Variants in TCF7L1 observed in about 807,000 individuals in gnomAD.
The protein encoded by TCF7L1 is transcription factor 7 like 1.
A neutral mutation model predicts 63.7 loss-of-function variants in TCF7L1; 18 were observed. That is an observed-to-expected ratio of 0.28 (90% CI 0.20 to 0.42). The LOEUF is 0.42. Among genes scored for constraint, TCF7L1 ranks in the 10% least tolerant of loss-of-function variants. The pLI is 1.00. For synonymous variants in TCF7L1, 355 were observed against 340.9 expected (o/e 1.04, Z -0.46); for missense variants, 654 against 779.3 (o/e 0.84, Z 1.91).
At chr2:85,144,047 G>T (rs1019136130) in intron 3 of TCF7L1, among the ~76,000 whole-genome samples, 11 of 152,300 alleles carry the variant, frequency 7.2e-5, no homozygotes, top group Non-Finnish European at 4.4e-5. Flanking sequence ...GGAAGAATAC[G>T]CAAACGAATG....
At chr2:85,211,825 C>T (rs942102194) in intron 3 of TCF7L1, among the ~76,000 whole-genome samples, 1 of 152,182 alleles carries the variant, frequency 6.6e-6, no homozygotes, top group Non-Finnish European at 1.5e-5. Flanking sequence ...AATGGTAGCT[C>T]ATGCCTGTAA....
At chr2:85,224,093 C>T (rs1334093731) in intron 3 of TCF7L1, among the ~76,000 whole-genome samples, 1 of 152,188 alleles carries the variant, frequency 6.6e-6, no homozygotes, top group South Asian at 2.1e-4. Flanking sequence ...CAGCTTCATC[C>T]ATGTCCCTGC....
chr2:85,186,870 G>A (rs1050764405), intron 3 of TCF7L1: 5 of 152,194 alleles, frequency 3.3e-5, no homozygotes, highest in Non-Finnish European at 7.3e-5. Context: ...AGCTAGATTT[G>A]TACTGTACTA....
At chr2:85,206,047 A>G (rs1215759625) in intron 3 of TCF7L1, among the ~76,000 whole-genome samples, 1 of 152,252 alleles carries the variant, frequency 6.6e-6, no homozygotes, top group Non-Finnish European at 1.5e-5. Flanking sequence ...TATTGCTGAC[A>G]AAGTTCCAAG....
At chr2:85,210,335 A>G (rs1679513581) in intron 3 of TCF7L1, among the ~76,000 whole-genome samples, 2 of 152,212 alleles carry the variant, frequency 1.3e-5, no homozygotes, top group Admixed American at 1.3e-4. Context: ...CCCTGGCTGG[A>G]GCCCTGTAGT....
chr2:85,174,778 C>A (rs1294381745), intron 3 of TCF7L1, among the ~76,000 whole-genome samples: 2 of 152,216 alleles, frequency 1.3e-5, no homozygotes, highest in Non-Finnish European at 2.9e-5. Flanking sequence ...GCAGTCTATG[C>A]CCAGGGCCTC....
rs111435628 is a variant in TCF7L1, at chr2:85,306,719, C to T, written c.1257+160C>T. On this transcript the variant is annotated intron_variant, in intron 10 of 11. Transcript: ENST00000282111. This position sits in a 1 kb window ranked among gnomAD's most constrained non-coding sequence, Gnocchi z 4.3. ...CCTGTCACCCAGGCTGGAGTGCATG[C>T]AGTGGCGCGATCTCGGCTCACTGCA... is the stretch of plus-strand genomic sequence containing the variant. Among the ~76,000 whole-genome samples the T allele has an allele frequency of 0.018, 2,740 of 152,292 alleles. 91 individuals are homozygous for T. The highest frequency in any genetic ancestry group is 0.063 in the African/African-American group (2,604 of 41,554).
At chr2:85,229,236 C>T (rs1338369019) in intron 3 of TCF7L1, among the ~76,000 whole-genome samples, 1 of 151,824 alleles carries the variant, frequency 6.6e-6, no homozygotes, top group Non-Finnish European at 1.5e-5. Flanking sequence ...GTCCCAGCTA[C>T]TCCGGGAGGC....
intron 3 of TCF7L1, among the ~76,000 whole-genome samples, chr2:85,144,849 C>T (rs1468073443): frequency 6.6e-6 from 1 of 150,926 alleles, no homozygotes. Flanking sequence ...TTTGGGAGGC[C>T]GAGGCGGGAG....
intron 4 of TCF7L1, among the ~76,000 whole-genome samples, chr2:85,292,464 A>T (rs1234127723): frequency 6.6e-6 from 1 of 152,246 alleles, no homozygotes; most frequent in Non-Finnish European, 1.5e-5. Context: ...ACAAAATTTA[A>T]AAGCTATAAA....
At chr2:85,227,609 C>G (rs1679987412) in intron 3 of TCF7L1, among the ~76,000 whole-genome samples, 1 of 152,148 alleles carries the variant, frequency 6.6e-6, no homozygotes, top group Non-Finnish European at 1.5e-5. Context: ...AAAAACTTGA[C>G]TCTTCAGTCT....
intron 3 of TCF7L1, among the ~76,000 whole-genome samples, chr2:85,142,431 AATGTGTGTGTGTGTG>A (rs1278961359): frequency 0.013 from 451 of 33,956 alleles, 6 homozygotes; most frequent in African/African-American, 0.061. Flanking sequence ...AAAAAAAAAA[AATGTGTGTGTGTGTG>A]TGTGTGTGTG....
chr2:85,143,691 C>T (rs1004884208), intron 3 of TCF7L1, among the ~76,000 whole-genome samples: 11 of 152,228 alleles, frequency 7.2e-5, no homozygotes, highest in Admixed American at 2.6e-4. Context: ...TGATTTTACA[C>T]ACATGCCTGA....
At chr2:85,286,864 G>A (rs1681572464) in intron 4 of TCF7L1, among the ~76,000 whole-genome samples, 1 of 152,112 alleles carries the variant, frequency 6.6e-6, no homozygotes, top group Non-Finnish European at 1.5e-5. Flanking sequence ...GGCTGAGCTG[G>A]GAGTTCGGAG....
At chr2:85,196,944 C>T (rs2439704) in intron 3 of TCF7L1, among the ~76,000 whole-genome samples, 33,077 of 151,936 alleles carry the variant, frequency 0.22, 4,200 homozygotes, top group Non-Finnish European at 0.29. Context: ...CCTCAGCCCC[C>T]GGCACTCCCC....
At position 85,141,856 on chromosome 2, in the gene TCF7L1, T is replaced by A. The variant is rs146516703; in HGVS notation, c.441+7406T>A. On this transcript the variant is annotated intron_variant, in intron 3 of 11. Transcript: ENST00000282111. Reference sequence around the variant, plus strand: ...GAGGTGAGTTGGCAGAAATGGATAGTGTGCATTGGAGGACCAGATGGCTTC... The same window carrying A: ...GAGGTGAGTTGGCAGAAATGGATAGAGTGCATTGGAGGACCAGATGGCTTC... Among the ~76,000 whole-genome samples the A allele has an allele frequency of 7.4e-3, 1,134 of 152,244 alleles. 11 individuals are homozygous for A. Among genetic ancestry groups the A allele is most frequent in the African/African-American group, 0.026 (1,069 of 41,530 alleles).
chr2:85,219,169 TC>T (rs1337213828), intron 3 of TCF7L1, among the ~76,000 whole-genome samples: 3 of 151,976 alleles, frequency 2.0e-5, no homozygotes, highest in African/African-American at 7.3e-5. Context: ...CAATTTTTTT[TC>T]CCCAGAAAAT....
rs1268578103 is a variant in TCF7L1 at position 85,309,105 on chromosome 2, C to T, written c.1410C>T (p.Ser470=). ...AGAAGCCCTGTGACAGCCCTGCCTC[C>T]TCCCACGGGAGCATGCTGGACTCCC... ...PPEKPCDSPA[S]SHGSMLDSPA... The change falls in exon 12 of 12, where the codon TCC becomes TCT. Residue 470 remains serine, a synonymous_variant. Coordinates refer to ENST00000282111, the MANE Select transcript of TCF7L1 (RefSeq NM_031283.3). The T allele has an allele frequency of 3.7e-6, 6 of 1,613,888 alleles. No individual in the cohort carries two copies. The highest frequency in any genetic ancestry group is 4.5e-5 in the East Asian group (2 of 44,886).
chr2:85,238,912 C>T (rs1680257373), intron 3 of TCF7L1, among the ~76,000 whole-genome samples: 1 of 151,748 alleles, frequency 6.6e-6, no homozygotes. Flanking sequence ...CTCCGCCTCC[C>T]GAGGTCAAGC....
Sources: allele counts gnomAD v4.1 joint callset (sites outside exome capture counted in the v4.1 genomes callset), GRCh38; gene constraint gnomAD v4.1.1; non-coding constraint Gnocchi (gnomAD v3.1); transcripts MANE v1.5; gene names NCBI Gene and HGNC (gene_info 2026-07-23, HGNC 2026-07-21).